DTD1: variants seen among roughly 807,000 people sequenced by gnomAD.
DTD1 encodes the protein D-tyrosyl-tRNA deacylase 1 homolog.
DTD1 carries 13 observed loss-of-function variants against 25.6 expected under a neutral mutation model. The observed-to-expected ratio is 0.51, with a 90% confidence interval of 0.33 to 0.81. DTD1 has a LOEUF of 0.81. Among genes scored for constraint, DTD1 ranks in the 30% least tolerant of loss-of-function variants. The pLI is 0.02. For missense variants in DTD1, 193 were observed against 266.4 expected, an observed-to-expected ratio of 0.72 and a Z score of 1.92; for synonymous variants, 110 against 103.6, an observed-to-expected ratio of 1.06 and a Z score of -0.37.
rs187987740 is a variant in DTD1 at position 18,715,742 on chromosome 20, G to A, written c.478-28358G>A. Among the ~76,000 whole-genome samples the A allele has an allele frequency of 1.8e-3, 273 of 152,258 alleles. 3 individuals carry two copies. Among genetic ancestry groups the A allele is most frequent in the Admixed American group, 5.0e-3 (77 of 15,296 alleles). ...TGCATCCCTAGTGACAAATTATTTGGACTCACATGGAAACATTTCCCATAA... is the reference window on the plus strand; with the variant it reads ...TGCATCCCTAGTGACAAATTATTTGAACTCACATGGAAACATTTCCCATAA... On this transcript the variant is annotated intron_variant, in intron 4 of 5. Transcript: ENST00000377452.
At chr20:18,675,896 C>T (rs1223814569) in intron 4 of DTD1, among the ~76,000 whole-genome samples, 1 of 19,378 alleles carries the variant, frequency 5.2e-5, no homozygotes, top group Non-Finnish European at 1.1e-4. Flanking sequence ...GAAATGGGAT[C>T]ACAACATACT....
chr20:18,686,120 A>G (rs924667509), intron 4 of DTD1, among the ~76,000 whole-genome samples: 1 of 152,236 alleles, frequency 6.6e-6, no homozygotes, highest in Non-Finnish European at 1.5e-5. Context: ...TGAGACACAC[A>G]TTTACAGAAA....
chr20:18,588,734 G>A, intron 1 of DTD1: 1 of 985,148 alleles, frequency 1.0e-6, no homozygotes, highest in Non-Finnish European at 1.2e-6. Flanking sequence ...GAGGGGTCGG[G>A]ATCTAAAGAA....
intron 3 of DTD1, among the ~76,000 whole-genome samples, chr20:18,618,672 TACACACAC>T (rs751474809): frequency 7.7e-4 from 101 of 130,562 alleles, no homozygotes; most frequent in African/African-American, 1.4e-3. Context: ...CATAATTTTA[TACACACAC>T]ACACACACAC....
chr20:18,741,358 AAG>A (rs1382857998), intron 4 of DTD1, among the ~76,000 whole-genome samples: 1 of 152,220 alleles, frequency 6.6e-6, no homozygotes, highest in African/African-American at 2.4e-5. Flanking sequence ...CTGATGAAGG[AAG>A]CTATGTACTG....
intron 4 of DTD1, among the ~76,000 whole-genome samples, chr20:18,642,346 G>A (rs1380368827): frequency 6.6e-6 from 1 of 152,148 alleles, no homozygotes; most frequent in Non-Finnish European, 1.5e-5. Flanking sequence ...CTCAAGGTCT[G>A]CTGAACTCTG....
At chr20:18,653,121 G>T (rs2060879931) in intron 4 of DTD1, among the ~76,000 whole-genome samples, 1 of 152,168 alleles carries the variant, frequency 6.6e-6, no homozygotes, top group African/African-American at 2.4e-5. Context: ...TAAAGAACAG[G>T]CCAGGCACAG....
At chr20:18,599,026 A>G (rs185175827) in intron 3 of DTD1, among the ~76,000 whole-genome samples, 8 of 152,242 alleles carry the variant, frequency 5.3e-5, no homozygotes, top group African/African-American at 1.7e-4. Flanking sequence ...TCATGGCTTA[A>G]TAGCTCATTT....
intron 4 of DTD1, among the ~76,000 whole-genome samples, chr20:18,730,798 TA>T (rs1348120775): frequency 2.0e-5 from 3 of 152,272 alleles, no homozygotes; most frequent in Non-Finnish European, 4.4e-5. Flanking sequence ...TTTATTCATT[TA>T]TTTTTTAAGG....
intron 5 of DTD1, among the ~76,000 whole-genome samples, chr20:18,744,838 A>G (rs2061294088): frequency 6.6e-6 from 1 of 152,092 alleles, no homozygotes; most frequent in Non-Finnish European, 1.5e-5. Context: ...TGGGAGCTAC[A>G]ATTCAAGATG....
intron 4 of DTD1, among the ~76,000 whole-genome samples, chr20:18,727,688 T>TC (rs892979240): frequency 4.3e-4 from 66 of 151,910 alleles, no homozygotes; most frequent in Admixed American, 4.3e-3. Context: ...CCCACCATCC[T>TC]CCCCAGCCCT....
At chr20:18,667,405 C>T (rs929577735) in intron 4 of DTD1, among the ~76,000 whole-genome samples, 7 of 152,124 alleles carry the variant, frequency 4.6e-5, no homozygotes, top group Non-Finnish European at 7.4e-5. Context: ...GCGGCCCTGA[C>T]GAGCCTTTCC....
rs41278994 is a variant in DTD1 at position 18,763,561 on chromosome 20, G to A, written c.*221G>A. 20,210 of 152,788 alleles carry A rather than the reference G, an allele frequency of 0.13. 1,663 individuals carry two copies. Among genetic ancestry groups the A allele is most frequent in the Non-Finnish European group, 0.18 (12,357 of 68,038 alleles). The allele number at this position is 152,788 out of a possible 1,614,324, so 9.5% of individuals were successfully genotyped here. A position where few individuals can be genotyped will look rare whatever the true frequency, so the allele number is the denominator to read the frequency against. On this transcript the variant is annotated 3_prime_UTR_variant, in exon 6 of 6. Transcript: ENST00000377452. ...GTGGAGTGATGCAGTGGGCACTGCC[G>A]GTGGGCCAGGGGGCGGGTGCGCATG...
chr20:18,626,162 G>T (rs950965269), intron 3 of DTD1, among the ~76,000 whole-genome samples: 4 of 152,192 alleles, frequency 2.6e-5, no homozygotes, highest in African/African-American at 9.7e-5. Flanking sequence ...CACTCACTGT[G>T]CTGGGCTGTG....
At chr20:18,651,211 G>T (rs2060872821) in intron 4 of DTD1, among the ~76,000 whole-genome samples, 1 of 152,230 alleles carries the variant, frequency 6.6e-6, no homozygotes, top group African/African-American at 2.4e-5. Flanking sequence ...GAGTACAGTG[G>T]TGTGATCTTG....
chr20:18,649,399 C>T (rs1198724244), intron 4 of DTD1, among the ~76,000 whole-genome samples: 3 of 120,012 alleles, frequency 2.5e-5, no homozygotes, highest in Non-Finnish European at 4.8e-5. Context: ...AGTGCAGTGG[C>T]GCGATCTCCG....
chr20:18,745,432 G>T (rs1249400080), intron 5 of DTD1, among the ~76,000 whole-genome samples: 1 of 152,216 alleles, frequency 6.6e-6, no homozygotes, highest in Non-Finnish European at 1.5e-5. Flanking sequence ...GAGGTCACAG[G>T]CTCAGGGAGA....
chr20:18,653,798 G>C (rs915263688), intron 4 of DTD1, among the ~76,000 whole-genome samples: 1 of 152,202 alleles, frequency 6.6e-6, no homozygotes, highest in African/African-American at 2.4e-5. Context: ...TATATGTGAA[G>C]GAGGGTTATA....
At chr20:18,597,627 T>G (rs941610479) in intron 3 of DTD1, among the ~76,000 whole-genome samples, 1 of 152,350 alleles carries the variant, frequency 6.6e-6, no homozygotes, top group Middle Eastern at 3.4e-3. Context: ...AATTATATAA[T>G]GTGTGGTTTT....
Sources: gnomAD v4.1 joint callset for allele counts (sites outside exome capture counted in the v4.1 genomes callset) on GRCh38, gnomAD v4.1.1 for gene constraint, MANE v1.5 for transcripts, NCBI Gene and HGNC (gene_info 2026-07-23, HGNC 2026-07-21) for gene names.